The following MCM3 variants were observed in gnomAD, a reference collection of about 807,000 sequenced individuals.
The protein encoded by MCM3 is minichromosome maintenance complex component 3.
MCM3 carries 59 observed loss-of-function variants against 91.3 expected under a neutral mutation model. The ratio of observed to expected loss-of-function variants is 0.65; its 90% CI spans 0.52 to 0.80. The LOEUF is 0.80. Ranked by LOEUF, MCM3 falls within the 30% of genes least tolerant of loss-of-function variation. The pLI is 0.00. For synonymous variants in MCM3, 383 were observed against 379.6 expected (o/e 1.01, Z -0.10); for missense variants, 919 against 1,035.4 (o/e 0.89, Z 1.54).
intron 1 of MCM3, 129 bp from the exon 2 acceptor site, chr6:52,283,535 G>A (rs1766347802): frequency 2.9e-6 from 2 of 688,396 alleles, no homozygotes; most frequent in Non-Finnish European, 5.3e-6. Flanking sequence ...GTAAGTATGT[G>A]CTCATCAATT....
chr6:52,272,785 GC>G (rs1765245892), intron 11 of MCM3, among the ~76,000 whole-genome samples: 1 of 152,182 alleles, frequency 6.6e-6, no homozygotes, highest in African/African-American at 2.4e-5. Context: ...TGAAGATTAT[GC>G]TATGCTTCTT....
In MCM3 at chr6:52,264,354, C is replaced by G. The variant is rs1764470552; in HGVS notation, c.*234G>C. The G allele has an allele frequency of 1.6e-5, 8 of 515,588 alleles. No individual in the cohort carries two copies. In the East Asian group the frequency reaches 2.7e-4, roughly 17 times the overall value. 31.9% of individuals were successfully genotyped at this position (515,588 alleles called of 1,614,324 possible). ...AGCCAGTGCTTTTGCAATGAAGATG[C>G]AATAGTCATTGTCCTCTCCCACTGT... On this transcript the variant is annotated 3_prime_UTR_variant, in exon 17 of 17. Transcript: ENST00000596288.
chr6:52,279,828 T>C (rs1366965817), intron 4 of MCM3, among the ~76,000 whole-genome samples: 1 of 152,218 alleles, frequency 6.6e-6, no homozygotes, highest in Non-Finnish European at 1.5e-5. Flanking sequence ...ACATCTAAAT[T>C]AAGATTCTTA....
At chr6:52,268,732 G>A (rs1297182419) in intron 13 of MCM3, among the ~76,000 whole-genome samples, 4 of 152,186 alleles carry the variant, frequency 2.6e-5, no homozygotes, top group African/African-American at 9.7e-5. Context: ...GTGGGACAAG[G>A]AAGATTACCA....
At chr6:52,281,939 C>T (rs1207507912) in intron 4 of MCM3, 106 bp downstream of exon 4, 3 of 1,157,926 alleles carry the variant, frequency 2.6e-6, no homozygotes, top group Non-Finnish European at 3.6e-6. Context: ...CCTTATTTTT[C>T]ACCCTTTACA....
chr6:52,275,266 A>C (rs975354132), intron 9 of MCM3, among the ~76,000 whole-genome samples: 2 of 152,196 alleles, frequency 1.3e-5, no homozygotes, highest in African/African-American at 4.8e-5. Context: ...TGTGGGATTG[A>C]TTATAAACTG....
At chr6:52,279,620 G>T in intron 4 of MCM3, 21 bp from the exon 5 acceptor site, 1 of 1,563,028 alleles carries the variant, frequency 6.4e-7, no homozygotes, top group Non-Finnish European at 8.8e-7. Context: ...GCACACAGAG[G>T]GACAGAGTGA....
rs45548236 is a variant in MCM3, at chr6:52,266,077, G to C, written c.2226C>G (p.Ser742=). The change falls in exon 16 of 17, where the codon TCC becomes TCG. Residue 742 remains serine (S), a splice_region_variant and synonymous_variant. Coordinates refer to ENST00000596288, the MANE Select transcript of MCM3 (RefSeq NM_002388.6). ...KESQKVELSE[S]RLKAFKVALL... ...GCAGGAGCAACATCCGTACTCACCTGGATTCACTCAACTCCACTTTCTGGG... is the reference window on the plus strand; with the variant it reads ...GCAGGAGCAACATCCGTACTCACCTCGATTCACTCAACTCCACTTTCTGGG... 9,764 of 1,613,716 alleles carry C rather than the reference G, an allele frequency of 6.1e-3. 47 individuals carry two copies. Among genetic ancestry groups the C allele is most frequent in the Non-Finnish European group, 7.2e-3 (8,513 of 1,179,620 alleles).
Position 52,283,270 on chromosome 6 carries a change from C to A in MCM3, c.191+24G>T, listed in dbSNP as rs770751470. Reference sequence around the variant, plus strand: ...GGAAGGGAGCCATTCTCACTGACAGCCAGTATATCCCCTTGCCTCTCACCG... The same window carrying A: ...GGAAGGGAGCCATTCTCACTGACAGACAGTATATCCCCTTGCCTCTCACCG... On this transcript the variant is annotated intron_variant, in intron 2 of 16. Transcript: ENST00000596288. The A allele has an allele frequency of 6.3e-6, 10 of 1,584,384 alleles. No individual in the cohort carries two copies. The South Asian group carries it at 1.1e-4, about 18-fold the overall frequency.
At chr6:52,281,416 C>A (rs1437297569) in intron 4 of MCM3, among the ~76,000 whole-genome samples, 10 of 152,040 alleles carry the variant, frequency 6.6e-5, no homozygotes, top group African/African-American at 2.4e-4. Flanking sequence ...TGGTTCATGT[C>A]TGTAATCTCA....
At position 52,276,312 on chromosome 6, in the gene MCM3, C is replaced by T. The variant is rs1471384151; in HGVS notation, c.1330G>A (p.Ala444Thr). Reference protein sequence around the residue: ...AKAGIHARLNARCSVLAAANP... With the variant: ...AKAGIHARLNTRCSVLAAANP... ...GCAGCTGCCAAAACACTGCAGCGGG[C>T]ATTCAGCCGAGCATGGATGCCAGCC... The change falls in exon 9 of 17, where the codon GCC becomes ACC. Residue 444 changes from alanine to threonine, a missense_variant. Physicochemically the swap from Ala to Thr is moderately conservative, Grantham distance 58. Coordinates refer to ENST00000596288, the MANE Select transcript of MCM3 (RefSeq NM_002388.6). 1 of 1,612,864 alleles carries T rather than the reference C, an allele frequency of 6.2e-7. No individual in the cohort carries two copies. The highest frequency in any genetic ancestry group is 8.5e-7 in the Non-Finnish European group (1 of 1,179,978).
intron 16 of MCM3, chr6:52,265,356 C>G: frequency 2.8e-6 from 1 of 363,628 alleles, no homozygotes; most frequent in Non-Finnish European, 5.5e-6. Context: ...AGTCCAAGAC[C>G]AGCCTGGGCA....
intron 12 of MCM3, among the ~76,000 whole-genome samples, chr6:52,270,539 C>T (rs570469248): frequency 5.9e-5 from 9 of 152,024 alleles, no homozygotes; most frequent in Non-Finnish European, 1.2e-4. Context: ...AGAAAGCTAC[C>T]GGAGTTTGGA....
chr6:52,274,305 C>T (rs1435417433), intron 9 of MCM3, among the ~76,000 whole-genome samples: 1 of 152,112 alleles, frequency 6.6e-6, no homozygotes, highest in Non-Finnish European at 1.5e-5. Flanking sequence ...GCTACAAGCA[C>T]TTAGAACTTT....
intron 14 of MCM3, among the ~76,000 whole-genome samples, chr6:52,267,399 C>G (rs962210275): frequency 6.6e-6 from 1 of 151,624 alleles, no homozygotes; most frequent in Non-Finnish European, 1.5e-5. Context: ...CCCAGCCTAC[C>G]CAGGTTATCT....
At chr6:52,266,278 A>C in intron 15 of MCM3, 134 bp from the exon 16 acceptor site, 1 of 719,038 alleles carries the variant, frequency 1.4e-6, no homozygotes, top group South Asian at 1.6e-5. Context: ...TAGGGTTCTT[A>C]TGGGGCCAGG....
At chr6:52,271,628 G>C (rs2128278039) in intron 12 of MCM3, among the ~76,000 whole-genome samples, 1 of 151,596 alleles carries the variant, frequency 6.6e-6, no homozygotes, top group South Asian at 2.1e-4. Flanking sequence ...GCCAACAAGA[G>C]TGAAACTCTG....
At position 52,273,930 on chromosome 6, in the gene MCM3, G is replaced by A. The variant is rs757168249; in HGVS notation, c.1375-14C>T. On this transcript the variant is annotated splice_polypyrimidine_tract_variant and intron_variant, in intron 9 of 16. Coordinates refer to ENST00000596288, the MANE Select transcript of MCM3 (RefSeq NM_002388.6). ...ATACTGGTCATACTGGGGAATGCGA[G>A]GACAACAGAAGTGGACATGACATCA... The A allele has an allele frequency of 1.9e-6, 3 of 1,596,220 alleles. No homozygotes were observed. The highest frequency in any genetic ancestry group is 2.6e-6 in the Non-Finnish European group (3 of 1,168,792).
rs769350012 is a variant in MCM3, at chr6:52,278,866, TAA to T, written c.771-18_771-17del. ...CAGGACAGTCCTGGGACAAACAGAA[TAA>T]AGAGGAAACCCGTTATATTCAATTC... On this transcript the variant is annotated splice_polypyrimidine_tract_variant and intron_variant, in intron 5 of 16. Transcript: ENST00000596288. The T allele has an allele frequency of 3.1e-5, 48 of 1,568,054 alleles. No homozygotes were observed. Among genetic ancestry groups the T allele is most frequent in the Non-Finnish European group, 4.0e-5 (46 of 1,141,524 alleles).
Sources: gnomAD v4.1 joint callset for allele counts (sites outside exome capture counted in the v4.1 genomes callset) on GRCh38, gnomAD v4.1.1 for gene constraint, MANE v1.5 for transcripts, NCBI Gene and HGNC (gene_info 2026-07-23, HGNC 2026-07-21) for gene names.